TRAK2: variants seen among roughly 807,000 people sequenced by gnomAD.
The protein encoded by TRAK2 is trafficking kinesin protein 2.
Under a neutral mutation model 104.6 loss-of-function variants are expected in TRAK2, and 81 were observed. The ratio of observed to expected loss-of-function variants is 0.77; its 90% confidence interval spans 0.65 to 0.93. The LOEUF is 0.93. Among genes scored for constraint, TRAK2 ranks in the 40% least tolerant of loss-of-function variants. The probability of loss-of-function intolerance (pLI) is 0.00; values close to 1 mark genes in which losing one functional copy is unlikely to be tolerated. For missense variants in TRAK2, 1,002 were observed against 1,089.0 expected, an observed-to-expected ratio of 0.92 and a Z score of 1.12; for synonymous variants, 406 against 394.4, an observed-to-expected ratio of 1.03 and a Z score of -0.35.
chr2:201,450,011 A>G (rs1952011466), intron 1 of TRAK2, among the ~76,000 whole-genome samples: 1 of 152,116 alleles, frequency 6.6e-6, no homozygotes, highest in Non-Finnish European at 1.5e-5. Context: ...GTTCTTTCTA[A>G]CAAACCTCTT....
intron 13 of TRAK2, among the ~76,000 whole-genome samples, chr2:201,386,706 C>A (rs1951394536): frequency 6.6e-6 from 1 of 151,758 alleles, no homozygotes; most frequent in Non-Finnish European, 1.5e-5. Flanking sequence ...AAGGAGGACA[C>A]CTAAAGGGGT....
At chr2:201,414,742 A>T (rs1442345026) in intron 2 of TRAK2, among the ~76,000 whole-genome samples, 1 of 152,140 alleles carries the variant, frequency 6.6e-6, no homozygotes, top group East Asian at 1.9e-4. Flanking sequence ...TTCCTGCCAC[A>T]CATATATTAC....
rs1441165035 is a variant in TRAK2, at chr2:201,389,846, C to A, written c.1148G>T (p.Arg383Leu). ...SLAAEIEGTM[R>L]KKLSLDEESS... ...TTCCTCATCCAAACTCAGCTTTTTA[C>A]GCATAGTCCCCTCAATCTCAGCTGC... Residue 383 changes from arginine to leucine, a missense_variant, in exon 11 of 16, where the codon CGT (arginine) becomes CTT (leucine). Arg to Leu is a moderately radical substitution (Grantham distance 102). Transcript: ENST00000332624. The A allele has an allele frequency of 1.2e-6, 2 of 1,613,764 alleles. No homozygotes were observed. The highest frequency in any genetic ancestry group is 1.3e-5 in the African/African-American group (1 of 75,006).
chr2:201,434,974 G>C (rs1189099521), intron 1 of TRAK2, among the ~76,000 whole-genome samples: 1 of 152,140 alleles, frequency 6.6e-6, no homozygotes, highest in Non-Finnish European at 1.5e-5. Context: ...TTTAGTCAAA[G>C]GAAATAAGAT....
rs1294219759 is a variant in TRAK2, at chr2:201,379,849, T to C, written c.*694A>G. 2.0e-5 allele frequency: 3 copies of C among 151,972 alleles called. No homozygotes were observed. The highest frequency in any genetic ancestry group is 2.9e-5 in the Non-Finnish European group (2 of 67,934). 9.4% of individuals were successfully genotyped at this position (151,972 alleles called of 1,614,324 possible). ...TTGGAGGTTGTATAAAAATACAAAT[T>C]TAAAAAATGAACTTTTATTAATCAT... On this transcript the variant is annotated 3_prime_UTR_variant, in exon 16 of 16. Coordinates refer to ENST00000332624, the MANE Select transcript of TRAK2 (RefSeq NM_015049.3).
chr2:201,443,966 C>T (rs1049376645), intron 1 of TRAK2, among the ~76,000 whole-genome samples: 3 of 152,062 alleles, frequency 2.0e-5, no homozygotes, highest in Admixed American at 6.6e-5. Context: ...TTTGGGAGGC[C>T]AAGGTGGGCA....
intron 3 of TRAK2, among the ~76,000 whole-genome samples, chr2:201,402,635 C>T (rs1195775350): frequency 6.6e-6 from 1 of 152,036 alleles, no homozygotes; most frequent in Non-Finnish European, 1.5e-5. Context: ...GGTAGCATAG[C>T]GGGAACAAAG....
At chr2:201,402,310 A>C (rs889599278) in intron 3 of TRAK2, among the ~76,000 whole-genome samples, 1 of 152,018 alleles carries the variant, frequency 6.6e-6, no homozygotes, top group Admixed American at 6.6e-5. Context: ...ATATCATTAG[A>C]TATGTTTTAC....
In TRAK2 at chr2:201,412,355, G is replaced by C; in HGVS notation, c.92-4758C>G. On this transcript the variant is annotated intron_variant, in intron 2 of 15. Transcript: ENST00000332624. ...TCAAAGAAGGGAATCTTTGTCATTT[G>C]ATCTGCATCTGGTCTTACAGTTGGA... 7 of 1,334,896 alleles carry C rather than the reference G, an allele frequency of 5.2e-6. No homozygotes were observed. In the South Asian group the frequency reaches 8.2e-5, roughly 16 times the overall value. 82.7% of individuals were successfully genotyped at this position (1,334,896 alleles called of 1,614,324 possible).
chr2:201,413,434 G>A, intron 2 of TRAK2: 1 of 456,628 alleles, frequency 2.2e-6, no homozygotes, highest in East Asian at 3.6e-5. Context: ...CGTGGCAGCT[G>A]GAGGAGGGAA....
At chr2:201,396,439 C>T (rs1323141168) in intron 7 of TRAK2, among the ~76,000 whole-genome samples, 1 of 151,964 alleles carries the variant, frequency 6.6e-6, no homozygotes, top group African/African-American at 2.4e-5. Flanking sequence ...TACAGTAGTC[C>T]CCTCTTATCT....
At chr2:201,402,320 C>T (rs943809721) in intron 3 of TRAK2, among the ~76,000 whole-genome samples, 2 of 152,098 alleles carry the variant, frequency 1.3e-5, no homozygotes, top group African/African-American at 2.4e-5. Flanking sequence ...ATATGTTTTA[C>T]TTTTATCTGA....
chr2:201,380,751 A>T lies in TRAK2; in HGVS notation c.2537T>A (p.Val846Glu), dbSNP rs916113571. The T allele has an allele frequency of 2.5e-6, 4 of 1,613,844 alleles. No individual in the cohort carries two copies. Among genetic ancestry groups the T allele is most frequent in the Middle Eastern group, 1.6e-4 (1 of 6,082 alleles). Reference sequence around the variant, plus strand: ...CTCTTGGGCACCAGGGTTCTTGACCACTCTGGCTATCCCCAGTCTCTTCAG... The same window carrying T: ...CTCTTGGGCACCAGGGTTCTTGACCTCTCTGGCTATCCCCAGTCTCTTCAG... ...DRLKRLGIAR[V>E]VKNPGAQENG... Residue 846 changes from valine to glutamate, a missense_variant, in exon 16 of 16, where the codon GTG becomes GAG. By Grantham distance (121) the Val-to-Glu change is moderately radical. Coordinates refer to ENST00000332624, the MANE Select transcript of TRAK2 (RefSeq NM_015049.3).
In TRAK2 at chr2:201,380,871, C is replaced by A. The variant is rs199509240; in HGVS notation, c.2417G>T (p.Arg806Leu). The change falls in exon 16 of 16, where the codon CGA becomes CTA. Residue 806 changes from arginine to leucine, a missense_variant. Physicochemically the swap from Arg to Leu is moderately radical, Grantham distance 102. Coordinates refer to ENST00000332624, the MANE Select transcript of TRAK2 (RefSeq NM_015049.3). ...CTCCTGGAGGAATGTCTCAGCTGGT[C>A]GAGAGGCCAAAAAATTTTCAGAGAG... is the stretch of plus-strand genomic sequence containing the variant. ...VHLSENFLAS[R>L]PAETFLQEMY... is the part of the protein sequence containing the mutation. 6.2e-7 allele frequency: 1 copy of A among 1,613,784 alleles called. No individual in the cohort carries two copies. The highest frequency in any genetic ancestry group is 8.5e-7 in the Non-Finnish European group (1 of 1,179,948).
At chr2:201,429,792 T>C (rs1951825365) in intron 1 of TRAK2, among the ~76,000 whole-genome samples, 1 of 152,214 alleles carries the variant, frequency 6.6e-6, no homozygotes, top group Non-Finnish European at 1.5e-5. Flanking sequence ...TTTAGCTTCT[T>C]TGCGATGGGT....
intron 7 of TRAK2, 55 bp downstream of exon 7, chr2:201,397,447 T>A: frequency 1.1e-5 from 14 of 1,277,050 alleles, no homozygotes; most frequent in Non-Finnish European, 1.6e-5. Context: ...GAGGTGGAGA[T>A]ACCCTACCAA....
intron 2 of TRAK2, chr2:201,413,225 G>C: frequency 7.0e-7 from 1 of 1,436,912 alleles, no homozygotes; most frequent in Non-Finnish European, 9.8e-7. Context: ...ATTCTCTAGT[G>C]ACAGGATTTC....
At chr2:201,435,302 C>A (rs896051030) in intron 1 of TRAK2, among the ~76,000 whole-genome samples, 1 of 152,198 alleles carries the variant, frequency 6.6e-6, no homozygotes, top group African/African-American at 2.4e-5. Context: ...AAGTGATCTG[C>A]CTGCCTTGGC....
intron 10 of TRAK2, 100 bp from the exon 11 acceptor site, chr2:201,389,980 A>C: frequency 1.2e-6 from 1 of 851,634 alleles, no homozygotes; most frequent in Non-Finnish European, 1.8e-6. Context: ...AATACAAGGA[A>C]ATAGTCAAGG....
Sources: gnomAD v4.1 joint callset for allele counts (sites outside exome capture counted in the v4.1 genomes callset) on GRCh38, gnomAD v4.1.1 for gene constraint, MANE v1.5 for transcripts, NCBI Gene and HGNC (gene_info 2026-07-23, HGNC 2026-07-21) for gene names.